The following DHRSX variants were observed in gnomAD, a reference collection of about 807,000 sequenced individuals.
DHRSX encodes the protein polyprenol dehydrogenase.
Under a neutral mutation model 34.0 loss-of-function variants are expected in DHRSX, and 31 were observed. The observed-to-expected ratio is 0.91, with a 90% CI of 0.69 to 1.23. DHRSX has a LOEUF of 1.23. DHRSX is among the 50% of genes most tolerant of loss of function. DHRSX has a pLI of 0.00. For missense variants in DHRSX, 414 were observed against 428.1 expected, an observed-to-expected ratio of 0.97 and a Z score of 0.29; for synonymous variants, 201 against 183.8, an observed-to-expected ratio of 1.09 and a Z score of -0.76.
intron 6 of DHRSX, among the ~76,000 whole-genome samples, chrX:2,231,042 G>A (rs186434062): frequency 3.3e-4 from 50 of 152,186 alleles, no homozygotes; most frequent in African/African-American, 8.9e-4. Flanking sequence ...GGAAGGTCTC[G>A]CACAGAGACC....
intron 1 of DHRSX, among the ~76,000 whole-genome samples, chrX:2,433,266 A>C (rs978820501): frequency 2.0e-4 from 30 of 152,340 alleles, no homozygotes; most frequent in African/African-American, 7.2e-4. Context: ...GAAAAACCCC[A>C]AACATGCTAC....
At chrX:2,236,296 C>A (rs2016013874) in intron 6 of DHRSX, among the ~76,000 whole-genome samples, 1 of 152,016 alleles carries the variant, frequency 6.6e-6, no homozygotes, top group East Asian at 1.9e-4. Context: ...TTGGCGCAGG[C>A]CTGAATGAAG....
At chrX:2,324,059 A>G (rs954516676) in intron 3 of DHRSX, among the ~76,000 whole-genome samples, 5 of 11,138 alleles carry the variant, frequency 4.5e-4, no homozygotes, top group African/African-American at 2.3e-3. Flanking sequence ...CCTGTCTGGA[A>G]AAAAAAAAAA....
At chrX:2,463,687 G>GA (rs1204731409) in intron 1 of DHRSX, among the ~76,000 whole-genome samples, 3 of 152,220 alleles carry the variant, frequency 2.0e-5, no homozygotes, top group African/African-American at 7.2e-5. Context: ...GCTGGCTGGA[G>GA]AATGTCTGGG....
chrX:2,289,231 C>A (rs1256330580), intron 4 of DHRSX, among the ~76,000 whole-genome samples: 1 of 151,938 alleles, frequency 6.6e-6, no homozygotes, highest in African/African-American at 2.4e-5. Context: ...GATTCTCCTG[C>A]CTCAGCCTCC....
intron 4 of DHRSX, among the ~76,000 whole-genome samples, chrX:2,287,403 C>T (rs761757728): frequency 2.4e-4 from 36 of 151,510 alleles, no homozygotes; most frequent in Middle Eastern, 7.0e-3. Flanking sequence ...CCAAAGATGT[C>T]CACATCCCAA....
At chrX:2,394,107 G>A (rs1286996510) in intron 3 of DHRSX, among the ~76,000 whole-genome samples, 2 of 152,218 alleles carry the variant, frequency 1.3e-5, no homozygotes, top group African/African-American at 2.4e-5. Context: ...AGGGGGAACC[G>A]GATGGAAGGC....
At chrX:2,312,330 C>G (rs1286200448) in intron 3 of DHRSX, among the ~76,000 whole-genome samples, 1 of 152,026 alleles carries the variant, frequency 6.6e-6, no homozygotes, top group Non-Finnish European at 1.5e-5. Flanking sequence ...CAGGGATGTT[C>G]GCTTCCCTAG....
At chrX:2,481,403 C>T (rs1264343840) in intron 1 of DHRSX, among the ~76,000 whole-genome samples, 20 of 152,222 alleles carry the variant, frequency 1.3e-4, no homozygotes, top group Admixed American at 7.2e-4. Context: ...CGGTGGCTCA[C>T]GCCTGTCATC....
intron 1 of DHRSX, among the ~76,000 whole-genome samples, chrX:2,470,288 G>A (rs1383838215): frequency 3.6e-5 from 5 of 138,020 alleles, no homozygotes; most frequent in Admixed American, 1.5e-4. Flanking sequence ...GGCCAGGAGC[G>A]CTGTGGCTCA....
rs372829654 is a variant in DHRSX at position 2,282,394 on chromosome X, CAGAG to C, written c.388+9104_388+9107del. 4.5e-3 allele frequency among the ~76,000 whole-genome samples: 583 copies of C among 128,312 alleles called. 12 individuals are homozygous for C. The highest frequency in any genetic ancestry group is 0.017 in the African/African-American group (559 of 32,904). The allele number at this position is 128,312 out of a possible 152,430, so 84.2% of individuals were successfully genotyped here. The stretch of plus-strand genomic sequence containing the variant: ...ATAAGGGGAGAGACAGAGAAAGAGA[CAGAG>C]AGAAAGAGAGAAAGGGGGAGAGAAG... On this transcript the variant is annotated intron_variant, in intron 4 of 6. Coordinates refer to ENST00000334651, the MANE Select transcript of DHRSX (RefSeq NM_145177.3).
intron 1 of DHRSX, among the ~76,000 whole-genome samples, chrX:2,453,498 A>G (rs187293469): frequency 6.6e-6 from 1 of 151,556 alleles, no homozygotes. Context: ...ATAGCAAGAC[A>G]CCATCTCTAC....
chrX:2,333,211 C>T (rs2042503985), intron 3 of DHRSX, among the ~76,000 whole-genome samples: 1 of 152,096 alleles, frequency 6.6e-6, no homozygotes, highest in Admixed American at 6.6e-5. Flanking sequence ...AACTTTAACA[C>T]CTTTTAATTT....
chrX:2,238,015 G>C (rs769202236), intron 6 of DHRSX, among the ~76,000 whole-genome samples: 2 of 152,222 alleles, frequency 1.3e-5, no homozygotes, highest in African/African-American at 4.8e-5. Flanking sequence ...GAGACCATCT[G>C]CATGTCTCAG....
At chrX:2,225,260 C>T (rs1200154456) in intron 6 of DHRSX, among the ~76,000 whole-genome samples, 1 of 151,200 alleles carries the variant, frequency 6.6e-6, no homozygotes, top group Non-Finnish European at 1.5e-5. Context: ...CACTCATTCA[C>T]ATGCACACAG....
In DHRSX at chrX:2,332,911, G is replaced by A. The variant is rs184321034; in HGVS notation, c.287-41308C>T. On this transcript the variant is annotated intron_variant, in intron 3 of 6. Coordinates refer to ENST00000334651, the MANE Select transcript of DHRSX (RefSeq NM_145177.3). ...TACTCTGCGGTGAGTACCATTTTAC[G>A]AAAAGACTCACTGGCCAAGACTATG... is the stretch of plus-strand genomic sequence containing the variant. Among the ~76,000 whole-genome samples, 767 of 152,192 alleles carry A rather than the reference G, an allele frequency of 5.0e-3. 6 individuals are homozygous for A. Among genetic ancestry groups the A allele is most frequent in the African/African-American group, 0.017 (714 of 41,534 alleles).
intron 3 of DHRSX, among the ~76,000 whole-genome samples, chrX:2,341,038 G>A (rs912941447): frequency 6.6e-6 from 1 of 152,036 alleles, no homozygotes; most frequent in Non-Finnish European, 1.5e-5. Flanking sequence ...GCAAATCAAG[G>A]CAGGGGGAGA....
chrX:2,225,372 ACACT>A (rs2015632925), intron 6 of DHRSX, among the ~76,000 whole-genome samples: 1 of 146,212 alleles, frequency 6.8e-6, no homozygotes, highest in African/African-American at 2.8e-5. Flanking sequence ...ACACATGCTC[ACACT>A]CATTCACATG....
intron 1 of DHRSX, among the ~76,000 whole-genome samples, chrX:2,479,551 C>T (rs1358931535): frequency 6.6e-6 from 1 of 150,990 alleles, no homozygotes; most frequent in Non-Finnish European, 1.5e-5. Flanking sequence ...CATGTGCACA[C>T]TGAAGACATT....
Sources: allele counts gnomAD v4.1 joint callset (sites outside exome capture counted in the v4.1 genomes callset), GRCh38; gene constraint gnomAD v4.1.1; transcripts MANE v1.5; gene names NCBI Gene and HGNC (gene_info 2026-07-23, HGNC 2026-07-21).